NBPF20: variants seen among roughly 807,000 people sequenced by gnomAD.
NBPF20 encodes the protein NBPF member 20.
NBPF20 carries 90 observed loss-of-function variants against 68.1 expected under a neutral mutation model. That is an observed-to-expected ratio of 1.32 (90% CI 1.11 to 1.58). NBPF20 has a LOEUF of 1.58. NBPF20 is among the 40% of genes most tolerant of loss of function. The pLI is 0.00. For missense variants in NBPF20, 816 were observed against 601.2 expected, an observed-to-expected ratio of 1.36 and a Z score of -3.74; for synonymous variants, 290 against 228.1, an observed-to-expected ratio of 1.27 and a Z score of -2.45.
chr1:145,292,571 G>C (rs1248172107), intron 136 of NBPF20, 82 bp from the exon 142 acceptor site: 1 of 736,986 alleles, frequency 1.4e-6, no homozygotes, highest in African/African-American at 1.9e-5. Context: ...TCCTCACACA[G>C]GGACCTCAGG....
rs1314746587 is a variant in NBPF20 at position 145,395,756 on chromosome 1, G to A, written c.828-615C>T. On this transcript the variant is annotated intron_variant, in intron 7 of 137. Coordinates refer to ENST00000369373, the Ensembl canonical transcript of NBPF20. ...CAAACTCCAACAGACCTGAAGCTGA[G>A]GGACCTGACTGTTAGAAGGAAAACT... 2.0e-4 allele frequency among the ~76,000 whole-genome samples: 30 copies of A among 148,286 alleles called. 1 individual carries two copies. The highest frequency in any genetic ancestry group is 7.1e-4 in the African/African-American group (27 of 37,926).
intron 5 of NBPF20, 109 bp from the exon 11 acceptor site, chr1:145,400,703 A>T: frequency 6.7e-7 from 1 of 1,486,610 alleles, no homozygotes; most frequent in Non-Finnish European, 9.4e-7. Flanking sequence ...TGGTCCCAGA[A>T]AGCAAAATGG....
At chr1:145,423,940 G>T in the NBPF20 span, among the ~76,000 whole-genome samples, 1 of 149,230 alleles carries the variant, frequency 6.7e-6, no homozygotes, top group Non-Finnish European at 1.5e-5. Context: ...TTCTTGATCT[G>T]TGGTGGTTCA....
exon 138 of NBPF20, chr1:145,291,589 AAAC>A (rs1239758797): frequency 6.2e-7 from 1 of 1,611,892 alleles, no homozygotes; most frequent in Non-Finnish European, 8.5e-7. Flanking sequence ...TCAAAGTAAA[AAAC>A]CTATTGTCCA....
At position 145,311,899 on chromosome 1, in the gene NBPF20, C is replaced by G. The variant is rs1425305686; in HGVS notation, c.13660+309G>C. On this transcript the variant is annotated intron_variant, in intron 112 of 137. Transcript: ENST00000369373. ...AAATTAGAGTGAAGGATGAAATCTACAAGATCTACAAAATTCAGACAAAAT... is the reference window on the plus strand; with the variant it reads ...AAATTAGAGTGAAGGATGAAATCTAGAAGATCTACAAAATTCAGACAAAAT... Among the ~76,000 whole-genome samples, 12 of 112,564 alleles carry G rather than the reference C, an allele frequency of 1.1e-4. 2 individuals are homozygous for G. In the East Asian group the frequency reaches 2.0e-3, roughly 19 times the overall value. The allele number at this position is 112,564 out of a possible 152,430, so 73.8% of individuals were successfully genotyped here. A position where few individuals can be genotyped will look rare whatever the true frequency, so the allele number is the denominator to read the frequency against.
chr1:145,315,703 G>C (rs1241764685), intron 107 of NBPF20, 105 bp from the exon 113 acceptor site: 2 of 43,896 alleles, frequency 4.6e-5, no homozygotes, highest in Non-Finnish European at 3.8e-5. Context: ...AAAAGAAAAA[G>C]GACAGATCCA....
exon 6 of NBPF20, chr1:145,400,435 G>A (rs1307643097): frequency 1.2e-6 from 2 of 1,613,036 alleles, no homozygotes; most frequent in East Asian, 2.2e-5. Context: ...GAGAGGATGA[G>A]CCAATCAGAG....
At chr1:145,298,367 C>T (rs1166842500) in intron 129 of NBPF20, among the ~76,000 whole-genome samples, 1 of 144,112 alleles carries the variant, frequency 6.9e-6, no homozygotes, top group Non-Finnish European at 1.5e-5. Context: ...GACACACACA[C>T]ACAGACACAC....
rs1474323900 is a variant in NBPF20 at position 145,342,806 on chromosome 1, C to G, written c.8814-247G>C. On this transcript the variant is annotated intron_variant, in intron 73 of 137. Transcript: ENST00000369373. ...ACACACACACACACAGACACACACA[C>G]ACACACAGAGAGAACGAGCTCAGTG... Among the ~76,000 whole-genome samples, 11 of 115,988 alleles carry G rather than the reference C, an allele frequency of 9.5e-5. No homozygotes were observed. In the South Asian group the frequency reaches 2.7e-3, roughly 29 times the overall value. 76.1% of individuals were successfully genotyped at this position (115,988 alleles called of 152,430 possible).
At chr1:145,402,464 A>G (rs2101579282) in intron 3 of NBPF20, 83 bp from the exon 9 acceptor site, 3 of 1,518,814 alleles carry the variant, frequency 2.0e-6, no homozygotes, top group Non-Finnish European at 2.7e-6. Flanking sequence ...TTCTGAGATA[A>G]TGTCCTCAAG....
intron 137 of NBPF20, 142 bp downstream of exon 142, chr1:145,292,239 T>G (rs587616399): frequency 1.5e-6 from 1 of 670,570 alleles, no homozygotes; most frequent in East Asian, 2.5e-5. Flanking sequence ...AAACATCTAC[T>G]GCAATGAAAA....
upstream of NBPF20, among the ~76,000 whole-genome samples, chr1:145,409,629 T>C (rs1662929143): frequency 6.8e-6 from 1 of 147,798 alleles, no homozygotes; most frequent in Admixed American, 6.8e-5. Context: ...ACAAGTTTAT[T>C]GGAGATCTGA....
chr1:145,401,121 G>T (rs1553540995), exon 5 of NBPF20: 10 of 1,605,668 alleles, frequency 6.2e-6, no homozygotes, highest in Non-Finnish European at 8.5e-6. Context: ...CATCGTCATC[G>T]TTGTCATTTT....
chr1:145,393,517 T>C (rs1662038688), intron 9 of NBPF20, among the ~76,000 whole-genome samples: 1 of 150,670 alleles, frequency 6.6e-6, no homozygotes, highest in Non-Finnish European at 1.5e-5. Flanking sequence ...ATTGGTCAGG[T>C]GACACACTGA....
chr1:145,405,007 A>G lies in NBPF20; in HGVS notation c.175+91T>C, dbSNP rs1662704534. On this transcript the variant is annotated intron_variant, in intron 2 of 137. Transcript: ENST00000369373. ...CTGTTTTCCTACAAGTACAAGAAGG[A>G]TGAAATTATTTTTGATGGAGAGAGC... The G allele has an allele frequency of 1.3e-5, 20 of 1,571,364 alleles. No homozygotes were observed. The East Asian group carries it at 3.6e-4, about 28-fold the overall frequency.
upstream of NBPF20, among the ~76,000 whole-genome samples, chr1:145,410,021 T>C (rs1294007174): frequency 2.6e-5 from 4 of 152,020 alleles, no homozygotes; most frequent in Non-Finnish European, 5.9e-5. Context: ...TACAGATCAT[T>C]GTGCAGACAC....
chr1:145,422,709 C>T, the NBPF20 span, among the ~76,000 whole-genome samples: 2 of 152,120 alleles, frequency 1.3e-5, no homozygotes, highest in Admixed American at 1.3e-4. Flanking sequence ...TGAATCATAG[C>T]CGGGTGGGGT....
chr1:145,352,504 G>A (rs1571350855), intron 61 of NBPF20, among the ~76,000 whole-genome samples: 11 of 17,202 alleles, frequency 6.4e-4, no homozygotes, highest in Admixed American at 3.3e-3. Flanking sequence ...CCATGCAGTC[G>A]CCATGAGAAT....
chr1:145,404,315 A>C (rs1210109745), intron 2 of NBPF20, among the ~76,000 whole-genome samples: 2 of 151,650 alleles, frequency 1.3e-5, no homozygotes, highest in African/African-American at 4.9e-5. Flanking sequence ...CTGGAGTGCA[A>C]TAGTGCAATC....
Sources: allele counts gnomAD v4.1 joint callset (sites outside exome capture counted in the v4.1 genomes callset), GRCh38; gene constraint gnomAD v4.1.1; transcripts MANE v1.5; gene names NCBI Gene and HGNC (gene_info 2026-07-23, HGNC 2026-07-21).